FSTL4: variants seen among roughly 807,000 people sequenced by gnomAD.
The protein encoded by FSTL4 is follistatin-related protein 4.
Under a neutral mutation model 78.2 loss-of-function variants are expected in FSTL4, and 28 were observed. That is an observed-to-expected ratio of 0.36 (90% CI 0.27 to 0.49). The LOEUF (loss-of-function observed/expected upper bound fraction) is 0.49, where lower values mean the gene tolerates loss of function less well. Ranked by LOEUF, FSTL4 falls within the 20% of genes least tolerant of loss-of-function variation. FSTL4 has a pLI of 0.98. For synonymous variants in FSTL4, 422 were observed against 440.5 expected, an observed-to-expected ratio of 0.96 and a Z score of 0.53; for missense variants, 922 against 1,084.9, an observed-to-expected ratio of 0.85 and a Z score of 2.11.
intron 14 of FSTL4, among the ~76,000 whole-genome samples, chr5:133,204,834 C>A (rs1163158649): frequency 8.2e-4 from 106 of 129,018 alleles, no homozygotes; most frequent in South Asian, 2.4e-3. Flanking sequence ...GATTCTGTCT[C>A]AAAAAAAAAA....
At chr5:133,206,425 G>A (rs1308783530) in intron 14 of FSTL4, among the ~76,000 whole-genome samples, 3 of 151,946 alleles carry the variant, frequency 2.0e-5, no homozygotes, top group Admixed American at 6.6e-5. Flanking sequence ...ACACGATCTC[G>A]GCTCACTGCA....
chr5:133,298,720 G>A (rs899290182), intron 6 of FSTL4, among the ~76,000 whole-genome samples: 3 of 152,188 alleles, frequency 2.0e-5, no homozygotes, highest in African/African-American at 7.2e-5. Context: ...GCACCTGCGG[G>A]GGTGTCTCAG....
At chr5:133,724,823 T>A in the FSTL4 span, among the ~76,000 whole-genome samples, 1 of 152,206 alleles carries the variant, frequency 6.6e-6, no homozygotes, top group Admixed American at 6.5e-5. Flanking sequence ...TTCTCCTAAT[T>A]TTTCTGGAGG....
intron 4 of FSTL4, among the ~76,000 whole-genome samples, chr5:133,382,226 A>C (rs565303268): frequency 1.6e-4 from 25 of 152,214 alleles, no homozygotes; most frequent in African/African-American, 5.5e-4. Context: ...CCTTCCCTAC[A>C]TCACTGACTG....
the FSTL4 span, among the ~76,000 whole-genome samples, chr5:133,619,554 T>A: frequency 6.6e-6 from 1 of 152,250 alleles, no homozygotes; most frequent in African/African-American, 2.4e-5. Flanking sequence ...AGATGCGTTT[T>A]GTACATTATT....
intron 4 of FSTL4, among the ~76,000 whole-genome samples, chr5:133,328,309 T>A (rs1274432830): frequency 6.6e-6 from 1 of 152,230 alleles, no homozygotes; most frequent in African/African-American, 2.4e-5. Context: ...CACCCAGACC[T>A]TTGTTAGATA....
chr5:133,473,232 GA>G (rs548872884), intron 3 of FSTL4, among the ~76,000 whole-genome samples: 40 of 144,492 alleles, frequency 2.8e-4, no homozygotes, highest in African/African-American at 6.0e-4. Flanking sequence ...GAAAAGAAAA[GA>G]AAAAAAAAAT....
chr5:133,460,820 T>C (rs1408605986), intron 3 of FSTL4, among the ~76,000 whole-genome samples: 1 of 152,226 alleles, frequency 6.6e-6, no homozygotes, highest in Admixed American at 6.5e-5. Context: ...CTCAAACGCC[T>C]TCCAACTCTT....
At position 133,199,320 on chromosome 5, in the gene FSTL4, C is replaced by T. The variant is rs551801544; in HGVS notation, c.2304G>A (p.Thr768=). The change falls in exon 16 of 16, where the codon ACG becomes ACA. Residue 768 remains threonine, a synonymous_variant. Coordinates refer to ENST00000265342, the MANE Select transcript of FSTL4 (RefSeq NM_015082.2). The surrounding 1 kb of genome is among the most constrained non-coding windows in gnomAD (Gnocchi z 4.4). ...EPDLLFLELS[T]GKVGMLKNLK... ...AGTTCTTCAGCATGCCCACCTTCCCCGTGGACAGCTCCAGGAACAGCAGGT... is the reference window on the plus strand; with the variant it reads ...AGTTCTTCAGCATGCCCACCTTCCCTGTGGACAGCTCCAGGAACAGCAGGT... 1.5e-5 allele frequency: 24 copies of T among 1,614,106 alleles called. No individual in the cohort carries two copies. The East Asian group carries it at 3.1e-4, about 21-fold the overall frequency.
At chr5:133,732,857 T>C in the FSTL4 span, among the ~76,000 whole-genome samples, 8 of 152,102 alleles carry the variant, frequency 5.3e-5, no homozygotes, top group African/African-American at 1.9e-4. Flanking sequence ...TGGCTCAGAG[T>C]AATATCCAGA....
intron 3 of FSTL4, among the ~76,000 whole-genome samples, chr5:133,464,822 T>A (rs536572769): frequency 2.6e-5 from 4 of 152,212 alleles, no homozygotes; most frequent in Non-Finnish European, 4.4e-5. Context: ...ATGTATGTAT[T>A]TCATACAAAA....
intron 4 of FSTL4, among the ~76,000 whole-genome samples, chr5:133,320,004 A>G (rs1195073311): frequency 2.6e-5 from 4 of 152,092 alleles, no homozygotes; most frequent in Non-Finnish European, 5.9e-5. Context: ...CGAGATCCCA[A>G]AGTCCAAACT....
chr5:133,773,587 A>G, the FSTL4 span, among the ~76,000 whole-genome samples: 1 of 152,202 alleles, frequency 6.6e-6, no homozygotes, highest in Admixed American at 6.5e-5. Flanking sequence ...CCTTGCGTAC[A>G]GCTTTCTTTG....
Position 133,225,309 on chromosome 5 carries a change from T to A in FSTL4, c.1178-25A>T. On this transcript the variant is annotated intron_variant, in intron 9 of 15. Transcript: ENST00000265342. This position sits in a 1 kb window ranked among gnomAD's most constrained non-coding sequence, Gnocchi z 4.6. ...GCTGCAGACAGGACAGTGCTCAGGG[T>A]GGACTGCTCAGCTGGAGACCCACTC... The A allele has an allele frequency of 6.2e-7, 1 of 1,614,008 alleles. No homozygotes were observed. The highest frequency in any genetic ancestry group is 8.5e-7 in the Non-Finnish European group (1 of 1,179,950).
intron 4 of FSTL4, among the ~76,000 whole-genome samples, chr5:133,362,940 T>G (rs1755102752): frequency 6.6e-6 from 1 of 152,204 alleles, no homozygotes. Context: ...TATTTCATCT[T>G]AAGTTTAATA....
At chr5:133,807,833 A>G in the FSTL4 span, among the ~76,000 whole-genome samples, 205 of 152,352 alleles carry the variant, frequency 1.3e-3, 2 homozygotes, top group African/African-American at 4.7e-3. Context: ...CTTGTCCCTG[A>G]TGGTAGAGAC....
At chr5:133,596,680 C>T (rs550151776) in intron 2 of FSTL4, among the ~76,000 whole-genome samples, 75 of 152,150 alleles carry the variant, frequency 4.9e-4, no homozygotes, top group African/African-American at 1.7e-3. Context: ...CCGGTCCCAC[C>T]GACCAAGGGA....
intron 3 of FSTL4, among the ~76,000 whole-genome samples, chr5:133,431,173 G>A (rs11740470): frequency 0.5 from 76,623 of 151,990 alleles, 20,255 homozygotes; most frequent in Non-Finnish European, 0.58. Flanking sequence ...CTGAACCCAG[G>A]TGTGGCCTTC....
chr5:133,723,413 T>G, the FSTL4 span, among the ~76,000 whole-genome samples: 1 of 152,120 alleles, frequency 6.6e-6, no homozygotes. Context: ...CTTTGGGGGA[T>G]GAGGTACCAC....
Sources: allele counts gnomAD v4.1 joint callset (sites outside exome capture counted in the v4.1 genomes callset), GRCh38; gene constraint gnomAD v4.1.1; non-coding constraint Gnocchi (gnomAD v3.1); transcripts MANE v1.5; gene names NCBI Gene and HGNC (gene_info 2026-07-23, HGNC 2026-07-21).